Variants in NARS2 observed in about 807,000 individuals in gnomAD.
NARS2 encodes asparaginyl-tRNA synthetase 2, mitochondrial.
In NARS2, 60 loss-of-function variants were observed where a neutral mutation model predicts 62.9. The ratio of observed to expected loss-of-function variants is 0.95; its 90% CI spans 0.77 to 1.18. The LOEUF (loss-of-function observed/expected upper bound fraction) is 1.18. Ranked by LOEUF, NARS2 falls within the 50% of genes most tolerant of loss-of-function variation. NARS2 has a pLI of 0.00. For missense variants in NARS2, 619 were observed against 576.4 expected (o/e 1.07, Z -0.76); for synonymous variants, 196 against 200.0 (o/e 0.98, Z 0.17).
intron 11 of NARS2, among the ~76,000 whole-genome samples, chr11:78,449,391 C>G (rs527998022): frequency 6.6e-6 from 1 of 152,016 alleles, no homozygotes; most frequent in Admixed American, 6.5e-5. Context: ...CCTGCCTCAG[C>G]CTCCCAAAGT....
intron 5 of NARS2, among the ~76,000 whole-genome samples, chr11:78,546,080 T>C (rs971675717): frequency 1.3e-5 from 2 of 152,200 alleles, no homozygotes; most frequent in African/African-American, 2.4e-5. Context: ...GGTTCTTGTA[T>C]GGAGTCTCTC....
intron 6 of NARS2, among the ~76,000 whole-genome samples, chr11:78,498,671 CTTT>C (rs56691152): frequency 7.1e-5 from 10 of 141,518 alleles, no homozygotes; most frequent in East Asian, 2.1e-4. Flanking sequence ...CCAATACGCT[CTTT>C]TTTTTTTTTT....
chr11:78,559,301 CAAA>C (rs10627726), intron 5 of NARS2, among the ~76,000 whole-genome samples: 1 of 58,444 alleles, frequency 1.7e-5, no homozygotes, highest in African/African-American at 8.1e-5. Context: ...GACTCCATCT[CAAA>C]AAAAAAAAAA....
chr11:78,488,140 T>C (rs1191103541), intron 7 of NARS2, among the ~76,000 whole-genome samples: 1 of 151,702 alleles, frequency 6.6e-6, no homozygotes, highest in Non-Finnish European at 1.5e-5. Flanking sequence ...GTTTTCAAGG[T>C]ATGTGAATTG....
chr11:78,532,539 T>G (rs1437907791), intron 5 of NARS2, among the ~76,000 whole-genome samples: 1 of 152,240 alleles, frequency 6.6e-6, no homozygotes, highest in Non-Finnish European at 1.5e-5. Flanking sequence ...AACTTTAAAT[T>G]ACTCTGAGCC....
chr11:78,574,539 A>C lies in NARS2; in HGVS notation c.-51T>G, dbSNP rs1452462119. On this transcript the variant is annotated 5_prime_UTR_variant, in exon 1 of 14. Transcript: ENST00000281038. ...GGAGCAGCCCAGACCCCACGGTTCG[A>C]ACCCCGCCTGCAGCGGCCCTCCTTT... 8 of 1,526,252 alleles carry C rather than the reference A, an allele frequency of 5.2e-6. No homozygotes were observed. The highest frequency in any genetic ancestry group is 7.0e-6 in the Non-Finnish European group (8 of 1,138,622). The allele number at this position is 1,526,252 out of a possible 1,614,324, so 94.5% of individuals were successfully genotyped here. A position where few individuals can be genotyped will look rare whatever the true frequency, so the allele number is the denominator to read the frequency against.
At chr11:78,525,730 A>C (rs1467074308) in intron 6 of NARS2, among the ~76,000 whole-genome samples, 1 of 152,078 alleles carries the variant, frequency 6.6e-6, no homozygotes, top group Non-Finnish European at 1.5e-5. Flanking sequence ...ACTTCCAAAA[A>C]TTAGAGTAAG....
intron 11 of NARS2, among the ~76,000 whole-genome samples, chr11:78,453,575 CTCAG>C (rs1858048845): frequency 6.6e-6 from 1 of 152,174 alleles, no homozygotes; most frequent in South Asian, 2.1e-4. Flanking sequence ...TCTCACCTAT[CTCAG>C]TATTTTTAAA....
chr11:78,538,742 T>C (rs970607475), intron 5 of NARS2, among the ~76,000 whole-genome samples: 2 of 151,874 alleles, frequency 1.3e-5, no homozygotes, highest in African/African-American at 4.8e-5. Flanking sequence ...ACGCCTGTAA[T>C]CCCAGCACTT....
intron 7 of NARS2, among the ~76,000 whole-genome samples, chr11:78,492,499 C>A (rs1046905978): frequency 6.6e-6 from 1 of 152,176 alleles, no homozygotes; most frequent in African/African-American, 2.4e-5. Context: ...TACTATGGCA[C>A]TGAAATACAA....
At position 78,436,386 on chromosome 11, in the gene NARS2, A is replaced by T. The variant is rs1223532810; in HGVS notation, c.*284T>A. The T allele has an allele frequency of 3.2e-6, 1 of 311,584 alleles. No homozygotes were observed. Among genetic ancestry groups the T allele is most frequent in the Non-Finnish European group, 6.0e-6 (1 of 167,234 alleles). 19.3% of individuals were successfully genotyped at this position (311,584 alleles called of 1,614,324 possible). On this transcript the variant is annotated 3_prime_UTR_variant, in exon 14 of 14. Transcript: ENST00000281038. ...CTCATTCTGTTTTAGAGTTTAAAAG[A>T]AACTTTGAGACTAATTCAATTTCTT...
At chr11:78,526,798 C>T (rs913283707) in intron 6 of NARS2, among the ~76,000 whole-genome samples, 2 of 152,036 alleles carry the variant, frequency 1.3e-5, no homozygotes, top group African/African-American at 2.4e-5. Context: ...TATGACACTT[C>T]TGAGGGATGA....
chr11:78,436,466 C>T lies in NARS2; in HGVS notation c.*204G>A. On this transcript the variant is annotated 3_prime_UTR_variant, in exon 14 of 14. Coordinates refer to ENST00000281038, the MANE Select transcript of NARS2 (RefSeq NM_024678.6). Reference sequence around the variant, plus strand: ...AGTCCCCTTGCTATAAGTACCTCTTCTTGCGGGAGCTCATCCTTACGTGAA... The same window carrying T: ...AGTCCCCTTGCTATAAGTACCTCTTTTTGCGGGAGCTCATCCTTACGTGAA... 3.5e-6 allele frequency: 2 copies of T among 572,144 alleles called. No individual in the cohort carries two copies. The highest frequency in any genetic ancestry group is 6.1e-6 in the Non-Finnish European group (2 of 327,158). 35.4% of individuals were successfully genotyped at this position (572,144 alleles called of 1,614,324 possible). A position where few individuals can be genotyped will look rare whatever the true frequency, so the allele number is the denominator to read the frequency against.
intron 7 of NARS2, among the ~76,000 whole-genome samples, chr11:78,489,085 C>T (rs1859704174): frequency 6.6e-6 from 1 of 151,888 alleles, no homozygotes; most frequent in Non-Finnish European, 1.5e-5. Flanking sequence ...TTAGACTTGA[C>T]ACAAAAAGCA....
At chr11:78,470,569 C>T (rs1295014859) in intron 9 of NARS2, among the ~76,000 whole-genome samples, 1 of 152,132 alleles carries the variant, frequency 6.6e-6, no homozygotes, top group Non-Finnish European at 1.5e-5. Flanking sequence ...ACATTCTTCA[C>T]TTTTTGTATT....
chr11:78,490,879 A>C (rs552509118), intron 7 of NARS2, among the ~76,000 whole-genome samples: 2 of 152,346 alleles, frequency 1.3e-5, no homozygotes, highest in South Asian at 4.1e-4. Flanking sequence ...GGCACTGTTG[A>C]CTGAATGCAA....
chr11:78,542,526 C>T (rs1171699842), intron 5 of NARS2, among the ~76,000 whole-genome samples: 1 of 152,242 alleles, frequency 6.6e-6, no homozygotes, highest in African/African-American at 2.4e-5. Flanking sequence ...TGGTCCTAGT[C>T]CGTTAACTAG....
At chr11:78,445,015 C>T (rs969138665) in intron 11 of NARS2, among the ~76,000 whole-genome samples, 1 of 152,026 alleles carries the variant, frequency 6.6e-6, no homozygotes, top group African/African-American at 2.4e-5. Context: ...TTACTTATGA[C>T]AAAAAGTTCA....
intron 9 of NARS2, among the ~76,000 whole-genome samples, chr11:78,470,478 T>C (rs766685217): frequency 5.3e-5 from 8 of 152,058 alleles, no homozygotes; most frequent in Non-Finnish European, 1.0e-4. Context: ...TCTTCCTTTT[T>C]TACAGATGTC....
Sources: gnomAD v4.1 joint callset for allele counts (sites outside exome capture counted in the v4.1 genomes callset) on GRCh38, gnomAD v4.1.1 for gene constraint, MANE v1.5 for transcripts, NCBI Gene and HGNC (gene_info 2026-07-23, HGNC 2026-07-21) for gene names.